Variants in EDEM2 observed in about 807,000 individuals in gnomAD.
EDEM2 encodes ER degradation enhancing alpha-mannosidase like protein 2, also known as ER degradation-enhancing alpha-mannosidase-like protein 2.
A neutral mutation model predicts 64.8 loss-of-function variants in EDEM2; 39 were observed. The ratio of observed to expected loss-of-function variants is 0.60; its 90% CI spans 0.47 to 0.79. The LOEUF (loss-of-function observed/expected upper bound fraction) is 0.79, where lower values mean the gene tolerates loss of function less well. Ranked by LOEUF, EDEM2 falls within the 30% of genes least tolerant of loss-of-function variation. The pLI, the probability that EDEM2 is intolerant of heterozygous loss-of-function variation, is 0.00. For synonymous variants in EDEM2, 296 were observed against 291.5 expected (o/e 1.02, Z -0.16); for missense variants, 609 against 731.3 (o/e 0.83, Z 1.93).
intron 9 of EDEM2, among the ~76,000 whole-genome samples, chr20:35,123,116 G>A (rs2085387804): frequency 6.6e-6 from 1 of 152,146 alleles, no homozygotes; most frequent in Non-Finnish European, 1.5e-5. Context: ...CTGCAAATGG[G>A]GAGGTGGAAG....
intron 7 of EDEM2, 98 bp from the exon 8 acceptor site, chr20:35,126,473 C>T: frequency 7.0e-7 from 1 of 1,431,606 alleles, no homozygotes; most frequent in Non-Finnish European, 9.5e-7. Flanking sequence ...TTGGAAAGAG[C>T]ACCAGGATGC....
intron 6 of EDEM2, 97 bp from the exon 7 acceptor site, chr20:35,131,880 C>G (rs533115434): frequency 7.0e-7 from 1 of 1,438,782 alleles, no homozygotes; most frequent in Non-Finnish European, 9.4e-7. Context: ...AGATGCAGGG[C>G]AGGTGCCCCA....
intron 4 of EDEM2, among the ~76,000 whole-genome samples, chr20:35,138,370 G>A (rs1380949178): frequency 6.6e-6 from 1 of 151,998 alleles, no homozygotes; most frequent in African/African-American, 2.4e-5. Flanking sequence ...TGAAGATACT[G>A]AGGTTCCATG....
intron 9 of EDEM2, among the ~76,000 whole-genome samples, chr20:35,120,593 CTTTTTTTTTTT>C (rs5841194): frequency 9.5e-5 from 9 of 95,080 alleles, no homozygotes; most frequent in Admixed American, 3.8e-4. Context: ...TCGGCTTCTT[CTTTTTTTTTTT>C]TTTTTTTTTT....
At chr20:35,134,632 C>T (rs1486986884) in intron 6 of EDEM2, 106 bp downstream of exon 6, 14 of 1,320,502 alleles carry the variant, frequency 1.1e-5, no homozygotes, top group South Asian at 2.7e-5. Flanking sequence ...TCCTGGACCA[C>T]TCCCAAGGTC....
intron 5 of EDEM2, among the ~76,000 whole-genome samples, chr20:35,137,351 G>A (rs2085590765): frequency 6.6e-6 from 1 of 152,010 alleles, no homozygotes; most frequent in Non-Finnish European, 1.5e-5. Flanking sequence ...CCCAGGAGGC[G>A]GTGGTTACAG....
In EDEM2 at chr20:35,146,872, G is replaced by T; in HGVS notation, c.171C>A (p.Phe57Leu). The T allele has an allele frequency of 6.2e-7, 1 of 1,614,152 alleles. No individual in the cohort carries two copies. Among genetic ancestry groups the T allele is most frequent in the Non-Finnish European group, 8.5e-7 (1 of 1,180,014 alleles). ...CACAGGTGAGAGGTCGCAGCTCATC[G>T]AAGGGAAAGGCATTCTCCAGGTAGC... is the stretch of plus-strand genomic sequence containing the variant. ...YDSYLENAFP[F>L]DELRPLTCDG... The change falls in exon 2 of 11, where the codon TTC becomes TTA. Residue 57 changes from phenylalanine to leucine, a missense_variant. Physicochemically the swap from Phe to Leu is conservative, Grantham distance 22. Coordinates refer to ENST00000374492, the MANE Select transcript of EDEM2 (RefSeq NM_018217.3).
intron 10 of EDEM2, 56 bp downstream of exon 10, chr20:35,118,541 GC>G (rs1359911907): frequency 6.2e-7 from 1 of 1,610,750 alleles, no homozygotes; most frequent in Middle Eastern, 1.7e-4. Flanking sequence ...CCTTAAAGAG[GC>G]TTTTTAGCAG....
intron 7 of EDEM2, among the ~76,000 whole-genome samples, chr20:35,129,361 T>C (rs1169963120): frequency 6.6e-6 from 1 of 151,354 alleles, no homozygotes; most frequent in Non-Finnish European, 1.5e-5. Flanking sequence ...GAGCCGATAT[T>C]GCACCACTGT....
At chr20:35,138,196 G>A (rs1469618647) in intron 4 of EDEM2, among the ~76,000 whole-genome samples, 191 bp from the exon 5 acceptor site, 1 of 152,218 alleles carries the variant, frequency 6.6e-6, no homozygotes, top group Non-Finnish European at 1.5e-5. Context: ...TCACTGGGAA[G>A]GAGCTAGAGC....
In EDEM2 at chr20:35,147,248, C is replaced by T. The variant is rs751222035; in HGVS notation, c.11G>A (p.Arg4Gln). 4.4e-6 allele frequency: 7 copies of T among 1,587,444 alleles called. No individual in the cohort carries two copies. The African/African-American group carries it at 6.7e-5, about 15-fold the overall frequency. MPF[R>Q]LLIPLGLLCA... is the part of the protein sequence containing the mutation. ...CAGGAGGCCGAGCGGGATGAGCAGC[C>T]GGAAAGGCATAGAGCTCGTGTCCTC... Residue 4 changes from arginine (R) to glutamine (Q), a missense_variant, in exon 1 of 11, where the codon CGG becomes CAG. Coordinates refer to ENST00000374492, the MANE Select transcript of EDEM2 (RefSeq NM_018217.3).
chr20:35,144,300 T>C lies in EDEM2; in HGVS notation c.258+679A>G, dbSNP rs553737908. Among the ~76,000 whole-genome samples the C allele has an allele frequency of 2.0e-5, 3 of 152,296 alleles. No homozygotes were observed. In the East Asian group the frequency reaches 5.8e-4, roughly 29 times the overall value. On this transcript the variant is annotated intron_variant, in intron 3 of 10. Transcript: ENST00000374492. ...ATTAATACATGTCTGTACTAAGCCCTACAGAAACATACTAACTAGTCACTG... is the reference window on the plus strand; with the variant it reads ...ATTAATACATGTCTGTACTAAGCCCCACAGAAACATACTAACTAGTCACTG...
intron 9 of EDEM2, among the ~76,000 whole-genome samples, chr20:35,119,721 A>C (rs1444193466): frequency 6.6e-6 from 1 of 152,220 alleles, no homozygotes; most frequent in African/African-American, 2.4e-5. Context: ...TCTATGCCAC[A>C]ACTGGAACTT....
At chr20:35,141,119 CA>C (rs58702725) in intron 4 of EDEM2, among the ~76,000 whole-genome samples, 336 of 29,362 alleles carry the variant, frequency 0.011, 1 homozygote, top group Non-Finnish European at 0.014. Flanking sequence ...GACTCCGCCT[CA>C]AAAAAAAAAA....
chr20:35,139,049 G>C (rs934667969), intron 4 of EDEM2, among the ~76,000 whole-genome samples: 2 of 152,114 alleles, frequency 1.3e-5, no homozygotes, highest in East Asian at 3.9e-4. Context: ...CCAAGTGGAA[G>C]TCTGATAAAA....
intron 10 of EDEM2, among the ~76,000 whole-genome samples, chr20:35,118,011 T>C (rs1374503648): frequency 1.3e-5 from 2 of 152,142 alleles, no homozygotes; most frequent in African/African-American, 4.8e-5. Flanking sequence ...CTCTTCCCAC[T>C]TTTCTCCTTG....
At chr20:35,145,641 C>T (rs946813955) in intron 2 of EDEM2, among the ~76,000 whole-genome samples, 1 of 152,144 alleles carries the variant, frequency 6.6e-6, no homozygotes, top group African/African-American at 2.4e-5. Flanking sequence ...CAGGGATGAA[C>T]TATAAAGGGC....
chr20:35,131,922 G>T, intron 6 of EDEM2, 139 bp from the exon 7 acceptor site: 1 of 1,003,316 alleles, frequency 1.0e-6, no homozygotes, highest in Non-Finnish European at 1.4e-6. Flanking sequence ...GACCCTGAGA[G>T]GGAAGGGCAA....
chr20:35,132,561 T>C (rs561746257), intron 6 of EDEM2, among the ~76,000 whole-genome samples: 116 of 152,052 alleles, frequency 7.6e-4, no homozygotes, highest in African/African-American at 2.6e-3. Context: ...GGCAGAGGCA[T>C]GAGAATCACT....
Sources: allele counts gnomAD v4.1 joint callset (sites outside exome capture counted in the v4.1 genomes callset), GRCh38; gene constraint gnomAD v4.1.1; transcripts MANE v1.5; gene names NCBI Gene and HGNC (gene_info 2026-07-23, HGNC 2026-07-21).